SUSD1: variants seen among roughly 807,000 people sequenced by gnomAD.
The protein encoded by SUSD1 is sushi domain-containing protein 1.
Under a neutral mutation model 86.9 loss-of-function variants are expected in SUSD1, and 65 were observed. That is an observed-to-expected ratio of 0.75 (90% CI 0.61 to 0.92). The LOEUF (loss-of-function observed/expected upper bound fraction) is 0.92, where lower values mean the gene tolerates loss of function less well. Ranked by LOEUF, SUSD1 falls within the 40% of genes least tolerant of loss-of-function variation. The pLI is 0.00. For missense variants in SUSD1, 850 were observed against 929.7 expected, an observed-to-expected ratio of 0.91 and a Z score of 1.11; for synonymous variants, 346 against 350.0, an observed-to-expected ratio of 0.99 and a Z score of 0.13.
At chr9:112,064,046 T>TTTTTTTTTTTTTTTTTTTTTTGGGGGG (rs1491139474) in intron 12 of SUSD1, among the ~76,000 whole-genome samples, 1 of 78,656 alleles carries the variant, frequency 1.3e-5, no homozygotes, top group Non-Finnish European at 3.0e-5. Flanking sequence ...TTTCTTTTTT[T>TTTTTTTTTTTTTTTTTTTTTTGGGGGG]GGGGGGGGGG....
chr9:112,078,811 C>CTTTTTTTTTTTTT (rs71496739), intron 11 of SUSD1, 87 bp from the exon 12 acceptor site: 8 of 641,448 alleles, frequency 1.2e-5, no homozygotes, highest in African/African-American at 9.6e-5. Flanking sequence ...TTTTCTTTCT[C>CTTTTTTTTTTTTT]TTTTTTTTTT....
rs1452970932 is a variant in SUSD1, at chr9:112,150,195, C to G, written c.218-796G>C. 3.9e-5 allele frequency among the ~76,000 whole-genome samples: 6 copies of G among 152,204 alleles called. No homozygotes were observed. In the East Asian group the frequency reaches 1.2e-3, roughly 29 times the overall value. Reference sequence around the variant, plus strand: ...GTAAACTACCAAGCAATGCTACGTACCAGTAAAACTCCACCTACAGAAACA... The same window carrying G: ...GTAAACTACCAAGCAATGCTACGTAGCAGTAAAACTCCACCTACAGAAACA... On this transcript the variant is annotated intron_variant, in intron 2 of 16. Transcript: ENST00000374270.
intron 10 of SUSD1, among the ~76,000 whole-genome samples, chr9:112,084,524 C>T (rs755451356): frequency 5.3e-5 from 8 of 152,192 alleles, no homozygotes; most frequent in Admixed American, 1.3e-4. Context: ...CAGGAAATGT[C>T]TCACTGGCTC....
chr9:112,086,306 C>CAAA (rs34768628), intron 10 of SUSD1, among the ~76,000 whole-genome samples: 2 of 89,722 alleles, frequency 2.2e-5, no homozygotes, highest in East Asian at 6.3e-4. Flanking sequence ...GACCTTGCCT[C>CAAA]AAAAAAAAAA....
intron 1 of SUSD1, among the ~76,000 whole-genome samples, chr9:112,161,993 C>T (rs1833591646): frequency 6.6e-6 from 1 of 152,088 alleles, no homozygotes; most frequent in Non-Finnish European, 1.5e-5. Flanking sequence ...AAAATTTTGC[C>T]TTATGTCTAC....
intron 14 of SUSD1, among the ~76,000 whole-genome samples, chr9:112,053,113 T>C (rs1469710726): frequency 6.6e-6 from 1 of 152,024 alleles, no homozygotes; most frequent in Non-Finnish European, 1.5e-5. Context: ...ACGGTGAGGG[T>C]TAGAGGAGGA....
rs530601267 is a variant in SUSD1, at chr9:112,133,214, G to T, written c.707-8778C>A. On this transcript the variant is annotated intron_variant, in intron 5 of 16. Coordinates refer to ENST00000374270, the MANE Select transcript of SUSD1 (RefSeq NM_022486.5). ...CCCTTAAGCCCAAGAATTTGAGGCT[G>T]CAGTGAGCCATGACTGCACCACCAC... is the stretch of plus-strand genomic sequence containing the variant. Among the ~76,000 whole-genome samples the T allele has an allele frequency of 3.3e-5, 5 of 152,312 alleles. No individual in the cohort carries two copies. In the East Asian group the frequency reaches 9.6e-4, roughly 29 times the overall value.
chr9:112,127,844 C>T (rs113436612), intron 5 of SUSD1, among the ~76,000 whole-genome samples: 3 of 152,170 alleles, frequency 2.0e-5, no homozygotes, highest in Non-Finnish European at 4.4e-5. Flanking sequence ...ACTCTATTGC[C>T]CAGGCTGGAG....
intron 5 of SUSD1, among the ~76,000 whole-genome samples, chr9:112,130,527 AAAG>A (rs1267799495): frequency 6.6e-6 from 1 of 150,666 alleles, no homozygotes; most frequent in Non-Finnish European, 1.5e-5. Context: ...AAAAGAAAGA[AAAG>A]AAAGGAAGGA....
chr9:112,139,116 T>A (rs1455105285), intron 5 of SUSD1, among the ~76,000 whole-genome samples: 1 of 152,224 alleles, frequency 6.6e-6, no homozygotes, highest in Non-Finnish European at 1.5e-5. Context: ...ACCTCTCCAA[T>A]AGTGCCACAT....
chr9:112,097,730 C>T (rs1388912865), intron 10 of SUSD1, among the ~76,000 whole-genome samples: 1 of 152,034 alleles, frequency 6.6e-6, no homozygotes, highest in South Asian at 2.1e-4. Context: ...GCCAAACTGC[C>T]CACCCTGACC....
chr9:112,111,405 C>A (rs985139242), intron 8 of SUSD1, among the ~76,000 whole-genome samples: 2 of 152,098 alleles, frequency 1.3e-5, no homozygotes, highest in Non-Finnish European at 2.9e-5. Flanking sequence ...TTTTAAATGC[C>A]TTTTTATTAC....
intron 12 of SUSD1, among the ~76,000 whole-genome samples, chr9:112,076,411 A>G (rs1047112527): frequency 2.0e-5 from 3 of 152,234 alleles, no homozygotes; most frequent in East Asian, 3.8e-4. Context: ...GATAGAACCA[A>G]TTAGGACTTG....
At chr9:112,082,392 A>G (rs1829804797) in intron 10 of SUSD1, among the ~76,000 whole-genome samples, 1 of 152,238 alleles carries the variant, frequency 6.6e-6, no homozygotes, top group African/African-American at 2.4e-5. Context: ...AGACAGTGAG[A>G]TTATCCTGAA....
intron 12 of SUSD1, among the ~76,000 whole-genome samples, chr9:112,067,692 A>C (rs1285778631): frequency 2.0e-5 from 3 of 152,152 alleles, no homozygotes; most frequent in Non-Finnish European, 4.4e-5. Flanking sequence ...TAGACCCTGG[A>C]CTAAACCACC....
intron 10 of SUSD1, among the ~76,000 whole-genome samples, chr9:112,090,793 C>A (rs1830174161): frequency 6.6e-6 from 1 of 152,154 alleles, no homozygotes; most frequent in Non-Finnish European, 1.5e-5. Flanking sequence ...CTTTCCTTTG[C>A]ATGGCACTAA....
At chr9:112,101,118 T>C (rs1197689836) in intron 9 of SUSD1, among the ~76,000 whole-genome samples, 1 of 151,988 alleles carries the variant, frequency 6.6e-6, no homozygotes, top group East Asian at 1.9e-4. Flanking sequence ...TCCCAGCACC[T>C]AGGGAAGCTG....
At chr9:112,087,409 G>A (rs1830030735) in intron 10 of SUSD1, among the ~76,000 whole-genome samples, 1 of 152,040 alleles carries the variant, frequency 6.6e-6, no homozygotes, top group Non-Finnish European at 1.5e-5. Flanking sequence ...CTTAACTCTT[G>A]ACCTCAAGTG....
intron 5 of SUSD1, among the ~76,000 whole-genome samples, chr9:112,132,654 CATTT>C (rs1832081480): frequency 6.6e-6 from 1 of 152,188 alleles, no homozygotes; most frequent in African/African-American, 2.4e-5. Context: ...ATACTTACTT[CATTT>C]GTTTCATCTG....
Sources: allele counts gnomAD v4.1 joint callset (sites outside exome capture counted in the v4.1 genomes callset), GRCh38; gene constraint gnomAD v4.1.1; transcripts MANE v1.5; gene names NCBI Gene and HGNC (gene_info 2026-07-23, HGNC 2026-07-21).